LPAR5: variants seen among roughly 807,000 people sequenced by gnomAD.
LPAR5 encodes the protein lysophosphatidic acid receptor 5.
For synonymous variants in LPAR5, 271 were observed against 261.6 expected (o/e 1.04, Z -0.35); for missense variants, 544 against 521.8 (o/e 1.04, Z -0.41).
intron 1 of LPAR5, among the ~76,000 whole-genome samples, chr12:6,630,116 G>A (rs190233915): frequency 2.8e-4 from 42 of 152,126 alleles, no homozygotes; most frequent in Non-Finnish European, 4.4e-4. Flanking sequence ...TTCCAAAGGG[G>A]AGAAGTTCTT....
At position 6,619,247 on chromosome 12, in the gene LPAR5, A is replaced by C. The variant is rs1242224943; in HGVS notation, c.*883T>G. 1 of 152,162 alleles carries C rather than the reference A, an allele frequency of 6.6e-6. No homozygotes were observed. The highest frequency in any genetic ancestry group is 2.4e-5 in the African/African-American group (1 of 41,430). The allele number at this position is 152,162 out of a possible 1,614,324, so 9.4% of individuals were successfully genotyped here. ...AAGCTCTTTGAGATCCTCAATTTCT[A>C]AGAGTGGGGTCTGAGACCAAAAAGT... On this transcript the variant is annotated 3_prime_UTR_variant, in exon 2 of 2. Coordinates refer to ENST00000329858, the MANE Select transcript of LPAR5 (RefSeq NM_020400.6).
chr12:6,623,612 T>TA (rs1474012223), intron 1 of LPAR5, among the ~76,000 whole-genome samples: 2 of 152,148 alleles, frequency 1.3e-5, no homozygotes, highest in Non-Finnish European at 2.9e-5. Context: ...AGGTTGCTGT[T>TA]ACTATCTCAA....
chr12:6,625,584 G>A (rs974613011), intron 1 of LPAR5, among the ~76,000 whole-genome samples: 35 of 151,322 alleles, frequency 2.3e-4, no homozygotes, highest in Admixed American at 2.0e-3. Flanking sequence ...TTAGCTGAGC[G>A]TGGTGGTGGG....
chr12:6,625,295 G>A (rs1335906975), intron 1 of LPAR5, among the ~76,000 whole-genome samples: 1 of 151,002 alleles, frequency 6.6e-6, no homozygotes, highest in Non-Finnish European at 1.5e-5. Context: ...CGTGGTGGCA[G>A]GCGCCTGTAG....
chr12:6,634,171 A>G (rs1350971971), intron 1 of LPAR5, among the ~76,000 whole-genome samples: 1 of 152,030 alleles, frequency 6.6e-6, no homozygotes, highest in East Asian at 1.9e-4. Flanking sequence ...GTGCCCAACT[A>G]ATTTTTGTCT....
chr12:6,623,402 C>T (rs755695352), intron 1 of LPAR5, among the ~76,000 whole-genome samples: 1 of 151,954 alleles, frequency 6.6e-6, no homozygotes. Context: ...GGTATGGTGG[C>T]GTGCACTTGT....
At chr12:6,633,489 T>G (rs1214875184) in intron 1 of LPAR5, among the ~76,000 whole-genome samples, 1 of 151,946 alleles carries the variant, frequency 6.6e-6, no homozygotes, top group Non-Finnish European at 1.5e-5. Context: ...CTCAGCTCAC[T>G]GCAACCTCCG....
intron 1 of LPAR5, among the ~76,000 whole-genome samples, chr12:6,624,546 G>A (rs1015574575): frequency 8.5e-5 from 13 of 152,170 alleles, no homozygotes; most frequent in African/African-American, 3.1e-4. Context: ...TTTTGTGTCT[G>A]GTTTATTTCA....
intron 1 of LPAR5, among the ~76,000 whole-genome samples, chr12:6,628,609 C>T (rs1948960674): frequency 6.6e-6 from 1 of 151,344 alleles, no homozygotes; most frequent in Non-Finnish European, 1.5e-5. Context: ...TACAGGCGCT[C>T]ACCACCACGC....
intron 1 of LPAR5, among the ~76,000 whole-genome samples, chr12:6,630,181 T>C (rs1391732928): frequency 6.6e-6 from 1 of 151,804 alleles, no homozygotes; most frequent in Non-Finnish European, 1.5e-5. Context: ...TGGAGTGCAG[T>C]ATCACAATCT....
Position 6,620,682 on chromosome 12 carries a change from C to T in LPAR5, c.567G>A (p.Leu189=). ...GCGCCTCGGCCAGCAGCACGAGGGG[C>T]AGCAGCCTGCCTTTCCACAGCTCGT... ...FSDELWKGRL[L]PLVLLAEALG... is the part of the protein sequence containing the mutation. Residue 189 remains leucine, a synonymous_variant, in exon 2 of 2, where the codon CTG becomes CTA. Transcript: ENST00000329858. The surrounding 1 kb of genome is among the most constrained non-coding windows in gnomAD (Gnocchi z 6.8). The T allele has an allele frequency of 6.4e-7, 1 of 1,567,012 alleles. No homozygotes were observed. Among genetic ancestry groups the T allele is most frequent in the African/African-American group, 1.3e-5 (1 of 74,258 alleles).
intron 1 of LPAR5, among the ~76,000 whole-genome samples, chr12:6,634,152 C>T (rs905074010): frequency 1.3e-5 from 2 of 152,098 alleles, no homozygotes; most frequent in African/African-American, 2.4e-5. Context: ...ACTATAGGTG[C>T]GTGCCACCGT....
chr12:6,620,347 G>T lies in LPAR5; in HGVS notation c.902C>A (p.Ala301Asp). The T allele has an allele frequency of 1.2e-6, 2 of 1,611,148 alleles. No homozygotes were observed. The highest frequency in any genetic ancestry group is 1.7e-6 in the Non-Finnish European group (2 of 1,178,996). The change falls in exon 2 of 2, where the codon GCC becomes GAC. Residue 301 changes from alanine to aspartate, a missense_variant. Ala to Asp is a moderately radical substitution (Grantham distance 126). Coordinates refer to ENST00000329858, the MANE Select transcript of LPAR5 (RefSeq NM_020400.6). This position sits in a 1 kb window ranked among gnomAD's most constrained non-coding sequence, Gnocchi z 6.8. The part of the protein sequence containing the change: ...VLDPLVYYFS[A>D]EGFRNTLRGL... ...GCGCAGGGTGTTGCGGAAGCCCTCG[G>T]CGCTAAAGTAGTACACCAGCGGGTC...
At chr12:6,630,535 C>A (rs1252510499) in intron 1 of LPAR5, among the ~76,000 whole-genome samples, 1 of 146,740 alleles carries the variant, frequency 6.8e-6, no homozygotes, top group Non-Finnish European at 1.5e-5. Context: ...TCACTGCAAC[C>A]TTTTCCTCCC....
At chr12:6,623,800 G>A (rs1948913089) in intron 1 of LPAR5, among the ~76,000 whole-genome samples, 1 of 152,108 alleles carries the variant, frequency 6.6e-6, no homozygotes. Context: ...TGGACCAGGT[G>A]CTAGGCTAGC....
At position 6,620,170 on chromosome 12, in the gene LPAR5, A is replaced by G. The variant is rs1349373697; in HGVS notation, c.1079T>C (p.Leu360Pro). 8.7e-6 allele frequency: 14 copies of G among 1,613,396 alleles called. No individual in the cohort carries two copies. The highest frequency in any genetic ancestry group is 1.2e-5 in the Non-Finnish European group (14 of 1,179,510). Residue 360 changes from leucine to proline, a missense_variant, in exon 2 of 2, where the codon CTG (leucine) becomes CCG (proline). Physicochemically the swap from Leu to Pro is moderately conservative, Grantham distance 98. Transcript: ENST00000329858. The surrounding 1 kb of genome is among the most constrained non-coding windows in gnomAD (Gnocchi z 6.8). ...CTGGGGACACTGTGTGAAGGAAGAC[A>G]GAGAGTGGGAGTCGGAGGGTCGGAG... The part of the protein sequence containing the change: ...GLLRPSDSHS[L>P]SSFTQCPQDS...
chr12:6,632,842 C>T (rs1433945543), intron 1 of LPAR5, among the ~76,000 whole-genome samples: 1 of 152,194 alleles, frequency 6.6e-6, no homozygotes, highest in East Asian at 1.9e-4. Context: ...CCTCCTTCTG[C>T]CCAGGGGCCA....
chr12:6,635,522 G>A (rs922432081), intron 1 of LPAR5, among the ~76,000 whole-genome samples: 1 of 152,110 alleles, frequency 6.6e-6, no homozygotes, highest in African/African-American at 2.4e-5. Context: ...GTGTGGTGTA[G>A]GGGTTGAGGT....
chr12:6,626,065 C>A (rs946602366), intron 1 of LPAR5, among the ~76,000 whole-genome samples: 1 of 151,900 alleles, frequency 6.6e-6, no homozygotes, highest in African/African-American at 2.4e-5. Context: ...AGGTCAGGAG[C>A]TCGAAACCAG....
Sources: allele counts gnomAD v4.1 joint callset (sites outside exome capture counted in the v4.1 genomes callset), GRCh38; gene constraint gnomAD v4.1.1; non-coding constraint Gnocchi (gnomAD v3.1); transcripts MANE v1.5; gene names NCBI Gene and HGNC (gene_info 2026-07-23, HGNC 2026-07-21).